The following LRP1B variants were observed in gnomAD, a reference collection of about 807,000 sequenced individuals.
The protein encoded by LRP1B is low-density lipoprotein receptor-related protein 1B.
A neutral mutation model predicts 556.6 loss-of-function variants in LRP1B; 217 were observed. The ratio of observed to expected loss-of-function variants is 0.39; its 90% confidence interval spans 0.35 to 0.44. The LOEUF (loss-of-function observed/expected upper bound fraction) is 0.44, where lower values mean the gene tolerates loss of function less well. LRP1B is among the 20% of genes least tolerant of loss of function. The pLI is 1.00. For missense variants in LRP1B, 5,053 were observed against 5,620.8 expected, an observed-to-expected ratio of 0.90 and a Z score of 3.23; for synonymous variants, 2,047 against 1,865.8, an observed-to-expected ratio of 1.10 and a Z score of -2.50.
chr2:141,061,784 G>T (rs1161538741), intron 8 of LRP1B, among the ~76,000 whole-genome samples: 1 of 151,718 alleles, frequency 6.6e-6, no homozygotes, highest in South Asian at 2.1e-4. Context: ...TGCGAATATA[G>T]CATTTTTGTC....
At chr2:141,207,875 C>A (rs1169767494) in intron 6 of LRP1B, among the ~76,000 whole-genome samples, 1 of 152,140 alleles carries the variant, frequency 6.6e-6, no homozygotes. Flanking sequence ...GGGGTTTTAC[C>A]ATTTTGACCA....
intron 3 of LRP1B, among the ~76,000 whole-genome samples, chr2:141,352,385 T>G (rs1000119990): frequency 6.6e-6 from 1 of 151,866 alleles, no homozygotes; most frequent in African/African-American, 2.4e-5. Context: ...TTTTTAAAAT[T>G]TTTTTTATTT....
intron 1 of LRP1B, among the ~76,000 whole-genome samples, chr2:141,850,428 T>C (rs1400976949): frequency 6.6e-6 from 1 of 151,626 alleles, no homozygotes; most frequent in Non-Finnish European, 1.5e-5. Context: ...GAAACACCCA[T>C]CATCCACATT....
At chr2:140,710,973 A>G (rs1371270013) in intron 37 of LRP1B, among the ~76,000 whole-genome samples, 1 of 152,084 alleles carries the variant, frequency 6.6e-6, no homozygotes, top group Admixed American at 6.6e-5. Flanking sequence ...ACCTGAGCCT[A>G]TCTGAAAGCA....
rs1039090130 is a variant in LRP1B at position 140,850,181 on chromosome 2, T to G, written c.4860A>C (p.Leu1620Phe). 10 of 1,613,740 alleles carry G rather than the reference T, an allele frequency of 6.2e-6. No individual in the cohort carries two copies. The African/African-American group carries it at 1.3e-4, about 22-fold the overall frequency. The change falls in exon 29 of 91, where the codon TTA becomes TTC. Residue 1620 changes from leucine to phenylalanine, a missense_variant. Leu to Phe is a conservative substitution (Grantham distance 22). Coordinates refer to ENST00000389484, the MANE Select transcript of LRP1B (RefSeq NM_018557.3). ...VIDFDASEERLYWTDIKTQTI... is the reference protein window; with the variant it reads ...VIDFDASEERFYWTDIKTQTI... ...TTTGTGTTTTAATATCTGTCCAGTA[T>G]AAACGTTCCTCAGATGCATCGAAGT...
At chr2:142,071,158 T>G (rs1394747381) in intron 1 of LRP1B, among the ~76,000 whole-genome samples, 1 of 151,910 alleles carries the variant, frequency 6.6e-6, no homozygotes, top group African/African-American at 2.4e-5. Flanking sequence ...TGTATTACTT[T>G]TATATTCGTA....
intron 2 of LRP1B, among the ~76,000 whole-genome samples, chr2:141,533,051 G>A (rs7584391): frequency 0.19 from 29,346 of 151,994 alleles, 2,964 homozygotes; most frequent in South Asian, 0.39. Context: ...GTCATATTAC[G>A]TTCACCTCAA....
chr2:141,386,994 A>G (rs1689855677), intron 3 of LRP1B, among the ~76,000 whole-genome samples: 2 of 152,192 alleles, frequency 1.3e-5, no homozygotes, highest in Non-Finnish European at 2.9e-5. Context: ...AACTGATATT[A>G]TACAGAATAT....
In LRP1B at chr2:140,903,081, C is replaced by T. The variant is rs758335701; in HGVS notation, c.3605G>A (p.Gly1202Glu). ...TTTATTGTCTTTGTTGAGTTGAAGT[C>T]CTTCAGGGCAGGAACAGACAATTCC... ...GRGIVCSCPEGLQLNKDNKTC... is the reference protein window; with the variant it reads ...GRGIVCSCPEELQLNKDNKTC... Residue 1202 changes from glycine (G) to glutamate (E), a missense_variant, in exon 23 of 91, where the codon GGA (glycine) becomes GAA (glutamate). By Grantham distance (98) the Gly-to-Glu change is moderately conservative. Coordinates refer to ENST00000389484, the MANE Select transcript of LRP1B (RefSeq NM_018557.3). 1.9e-6 allele frequency: 3 copies of T among 1,613,576 alleles called. No homozygotes were observed. The highest frequency in any genetic ancestry group is 2.2e-5 in the South Asian group (2 of 91,072).
chr2:141,554,363 ATAGAT>A (rs1685884352), intron 2 of LRP1B, among the ~76,000 whole-genome samples: 1 of 149,556 alleles, frequency 6.7e-6, no homozygotes, highest in African/African-American at 2.4e-5. Context: ...AGACATAGAT[ATAGAT>A]TATATATCTA....
At chr2:140,614,087 A>G (rs567435928) in intron 41 of LRP1B, among the ~76,000 whole-genome samples, 1 of 152,092 alleles carries the variant, frequency 6.6e-6, no homozygotes, top group South Asian at 2.1e-4. Flanking sequence ...ACCCTGACAA[A>G]TTATTTATAT....
intron 3 of LRP1B, among the ~76,000 whole-genome samples, chr2:141,336,015 C>G (rs531125347): frequency 1.4e-5 from 2 of 143,676 alleles, no homozygotes; most frequent in Admixed American, 1.4e-4. Flanking sequence ...GGTTTAGGCT[C>G]GATGTTATCT....
chr2:141,930,622 A>G (rs995551090), intron 1 of LRP1B, among the ~76,000 whole-genome samples: 4 of 152,086 alleles, frequency 2.6e-5, no homozygotes, highest in Admixed American at 2.6e-4. Flanking sequence ...AGCAGAAGGG[A>G]TAAGTGGTTA....
intron 7 of LRP1B, among the ~76,000 whole-genome samples, chr2:141,181,034 C>T (rs1680969246): frequency 6.6e-6 from 1 of 151,948 alleles, no homozygotes; most frequent in Admixed American, 6.6e-5. Context: ...ACTTCATGCT[C>T]ATGTCTCTCT....
chr2:140,994,389 A>ATGTGTG (rs3061707), intron 15 of LRP1B, among the ~76,000 whole-genome samples: 24,520 of 147,018 alleles, frequency 0.17, 2,066 homozygotes, highest in Non-Finnish European at 0.18. Flanking sequence ...GTAGGTAAGG[A>ATGTGTG]TGTGTGTGTG....
intron 43 of LRP1B, among the ~76,000 whole-genome samples, chr2:140,554,854 ATGTGTG>A (rs1553485749): frequency 1.0e-3 from 146 of 146,108 alleles, no homozygotes; most frequent in African/African-American, 3.1e-3. Flanking sequence ...AAGTGTGTGT[ATGTGTG>A]TGTGTGTGTG....
At chr2:141,751,893 T>C (rs1694128963) in intron 2 of LRP1B, among the ~76,000 whole-genome samples, 1 of 150,954 alleles carries the variant, frequency 6.6e-6, no homozygotes, top group Admixed American at 6.7e-5. Flanking sequence ...GTTTCTTGTG[T>C]GTGCTTTTAA....
intron 2 of LRP1B, among the ~76,000 whole-genome samples, chr2:141,544,319 C>CTTCTTCTTCTTCTTCTTCTTCTT (rs1559130917): frequency 2.5e-3 from 108 of 42,936 alleles, no homozygotes; most frequent in East Asian, 0.013. Context: ...TCTTCTTCTT[C>CTTCTTCTTCTTCTTCTTCTTCTT]TTCTTCTTCT....
At position 141,359,787 on chromosome 2, in the gene LRP1B, A is replaced by G. The variant is rs1409786991; in HGVS notation, c.344-105146T>C. Among the ~76,000 whole-genome samples, 2 of 50,940 alleles carry G rather than the reference A, an allele frequency of 3.9e-5. 1 individual carries two copies. The highest frequency in any genetic ancestry group is 6.7e-5 in the Non-Finnish European group (2 of 29,646). 33.4% of individuals were successfully genotyped at this position (50,940 alleles called of 152,430 possible). A position where few individuals can be genotyped will look rare whatever the true frequency, so the allele number is the denominator to read the frequency against. On this transcript the variant is annotated intron_variant, in intron 3 of 90. Coordinates refer to ENST00000389484, the MANE Select transcript of LRP1B (RefSeq NM_018557.3). ...CCCGCCCCGCCCCGCCCCGCCCCCCAAAAAGTACATAACTTAAATATATCA... is the reference window on the plus strand; with the variant it reads ...CCCGCCCCGCCCCGCCCCGCCCCCCGAAAAGTACATAACTTAAATATATCA...
Sources: allele counts gnomAD v4.1 joint callset (sites outside exome capture counted in the v4.1 genomes callset), GRCh38; gene constraint gnomAD v4.1.1; transcripts MANE v1.5; gene names NCBI Gene and HGNC (gene_info 2026-07-23, HGNC 2026-07-21).